AIG1: variants seen among roughly 807,000 people sequenced by gnomAD.
AIG1 encodes the protein androgen-induced gene 1 protein.
Under a neutral mutation model 31.4 loss-of-function variants are expected in AIG1, and 23 were observed. The observed-to-expected ratio is 0.73, with a 90% confidence interval of 0.53 to 1.04. The LOEUF is 1.04. AIG1 is among the 50% of genes least tolerant of loss of function. AIG1 has a pLI of 0.00. For synonymous variants in AIG1, 100 were observed against 110.5 expected (o/e 0.90, Z 0.60); for missense variants, 274 against 295.0 (o/e 0.93, Z 0.52).
chr6:143,119,868 A>G (rs1782092849), intron 1 of AIG1, among the ~76,000 whole-genome samples: 1 of 152,198 alleles, frequency 6.6e-6, no homozygotes, highest in Non-Finnish European at 1.5e-5. Flanking sequence ...GAGAAGTTGG[A>G]CTTTGTATAT....
intron 1 of AIG1, among the ~76,000 whole-genome samples, chr6:143,077,642 G>A (rs962767788): frequency 6.6e-6 from 1 of 152,166 alleles, no homozygotes; most frequent in Non-Finnish European, 1.5e-5. Flanking sequence ...GTTTTCAGCA[G>A]TCTGCATATG....
At chr6:143,321,361 A>G (rs536811786) in intron 4 of AIG1, among the ~76,000 whole-genome samples, 124 of 151,878 alleles carry the variant, frequency 8.2e-4, no homozygotes, top group Admixed American at 1.8e-3. Flanking sequence ...GCACTTTGGG[A>G]GGCCAAGGCG....
chr6:143,077,365 G>T (rs954777066), intron 1 of AIG1, among the ~76,000 whole-genome samples: 1 of 152,110 alleles, frequency 6.6e-6, no homozygotes, highest in Non-Finnish European at 1.5e-5. Flanking sequence ...ATTTATTTCA[G>T]CATTTCATTA....
At chr6:143,106,811 G>A (rs1780844668) in intron 1 of AIG1, among the ~76,000 whole-genome samples, 1 of 152,156 alleles carries the variant, frequency 6.6e-6, no homozygotes, top group Non-Finnish European at 1.5e-5. Flanking sequence ...CCTCAGGTGG[G>A]AAGTCCAAGA....
rs1318443812 is a variant in AIG1, at chr6:143,268,796, C to G, written c.400-15314C>G. Among the ~76,000 whole-genome samples the G allele has an allele frequency of 6.6e-6, 1 of 152,086 alleles. No individual in the cohort carries two copies. Among genetic ancestry groups the G allele is most frequent in the Non-Finnish European group, 1.5e-5 (1 of 68,002 alleles). ...GATGCCAGGATGTGCCACACAGGTC[C>G]CCTTTGGGGATTGGACTTACTTCCC... On this transcript the variant is annotated intron_variant, in intron 3 of 5. Transcript: ENST00000357847. The surrounding 1 kb of genome is among the most constrained non-coding windows in gnomAD (Gnocchi z 5.0).
intron 3 of AIG1, among the ~76,000 whole-genome samples, chr6:143,236,986 G>GT (rs138325524): frequency 0.065 from 9,943 of 152,062 alleles, 811 homozygotes; most frequent in East Asian, 0.36. Flanking sequence ...CACTATCTTG[G>GT]TTTTTTTGCA....
intron 3 of AIG1, among the ~76,000 whole-genome samples, chr6:143,181,570 G>C (rs1281374043): frequency 6.6e-6 from 1 of 152,194 alleles, no homozygotes; most frequent in African/African-American, 2.4e-5. Context: ...ATTCAGATCA[G>C]TAATAAATTT....
At chr6:143,138,076 T>C (rs1013846130) in intron 2 of AIG1, among the ~76,000 whole-genome samples, 2 of 152,222 alleles carry the variant, frequency 1.3e-5, no homozygotes, top group Non-Finnish European at 2.9e-5. Context: ...TTTTTCTGTG[T>C]GCCAAATTAT....
At chr6:143,295,415 T>G (rs1407697654) in intron 4 of AIG1, among the ~76,000 whole-genome samples, 2 of 152,170 alleles carry the variant, frequency 1.3e-5, no homozygotes, top group Non-Finnish European at 2.9e-5. Flanking sequence ...CCAAAATTCC[T>G]TTACATGTTT....
At chr6:143,121,429 A>C (rs918898805) in intron 1 of AIG1, among the ~76,000 whole-genome samples, 6 of 152,206 alleles carry the variant, frequency 3.9e-5, no homozygotes, top group African/African-American at 1.4e-4. Flanking sequence ...GCATACCACA[A>C]CTTTACATTA....
chr6:143,192,469 G>A (rs1789874155), intron 3 of AIG1, among the ~76,000 whole-genome samples: 1 of 152,056 alleles, frequency 6.6e-6, no homozygotes, highest in South Asian at 2.1e-4. Context: ...GCCGGGTGTG[G>A]TGGCACATGC....
chr6:143,304,835 G>A (rs138081551), intron 4 of AIG1, among the ~76,000 whole-genome samples: 29 of 152,108 alleles, frequency 1.9e-4, no homozygotes, highest in Admixed American at 1.2e-3. Flanking sequence ...GGTAGAATTC[G>A]GCTGTGAATC....
intron 1 of AIG1, among the ~76,000 whole-genome samples, chr6:143,123,123 T>A (rs138016953): frequency 1.2e-3 from 181 of 152,302 alleles, no homozygotes; most frequent in African/African-American, 4.2e-3. Flanking sequence ...CCGCATTTCC[T>A]GGCTGTCCTT....
chr6:143,250,082 G>A (rs1794907182), intron 3 of AIG1, among the ~76,000 whole-genome samples: 1 of 152,244 alleles, frequency 6.6e-6, no homozygotes, highest in South Asian at 2.1e-4. Context: ...CCCGGAGCAA[G>A]GCAGACCACT....
intron 3 of AIG1, among the ~76,000 whole-genome samples, chr6:143,246,508 G>A (rs1477091583): frequency 1.3e-5 from 2 of 152,074 alleles, no homozygotes; most frequent in Non-Finnish European, 1.5e-5. Flanking sequence ...CTCCCACTGG[G>A]TCCCTCCCAC....
intron 3 of AIG1, among the ~76,000 whole-genome samples, chr6:143,243,866 C>A (rs1048476407): frequency 6.6e-6 from 1 of 152,264 alleles, no homozygotes; most frequent in African/African-American, 2.4e-5. Context: ...TACCTCATCT[C>A]CCCTCCTGCT....
intron 3 of AIG1, among the ~76,000 whole-genome samples, chr6:143,182,822 A>G (rs1171945225): frequency 3.3e-5 from 5 of 152,218 alleles, no homozygotes; most frequent in Non-Finnish European, 7.3e-5. Flanking sequence ...ATCCTTATCA[A>G]TATATGTCCA....
intron 5 of AIG1, chr6:143,335,223 G>C: frequency 9.3e-7 from 1 of 1,080,250 alleles, no homozygotes; most frequent in Non-Finnish European, 1.2e-6. Flanking sequence ...TTTTGTTTTT[G>C]AATCAGTATT....
intron 4 of AIG1, among the ~76,000 whole-genome samples, chr6:143,300,870 G>A (rs142476127): frequency 6.6e-6 from 1 of 152,338 alleles, no homozygotes; most frequent in African/African-American, 2.4e-5. Flanking sequence ...ACATACAAAT[G>A]AGGTGAGGAC....
Sources: allele counts gnomAD v4.1 joint callset (sites outside exome capture counted in the v4.1 genomes callset), GRCh38; gene constraint gnomAD v4.1.1; non-coding constraint Gnocchi (gnomAD v3.1); transcripts MANE v1.5; gene names NCBI Gene and HGNC (gene_info 2026-07-23, HGNC 2026-07-21).